The following NAALADL2 variants were observed in gnomAD, a reference collection of about 807,000 sequenced individuals.
The protein encoded by NAALADL2 is N-acetylated alpha-linked acidic dipeptidase like 2.
NAALADL2 carries 76 observed loss-of-function variants against 87.2 expected under a neutral mutation model. The ratio of observed to expected loss-of-function variants is 0.87; its 90% CI spans 0.72 to 1.05. NAALADL2 has a LOEUF of 1.05. Among genes scored for constraint, NAALADL2 ranks in the 50% least tolerant of loss-of-function variants. The pLI is 0.00. For missense variants in NAALADL2, 1,089 were observed against 945.8 expected, an observed-to-expected ratio of 1.15 and a Z score of -1.99; for synonymous variants, 354 against 331.0, an observed-to-expected ratio of 1.07 and a Z score of -0.75.
chr3:174,861,719 A>G (rs1240547548), intron 1 of NAALADL2, among the ~76,000 whole-genome samples: 1 of 152,142 alleles, frequency 6.6e-6, no homozygotes, highest in Middle Eastern at 3.4e-3. Flanking sequence ...GATTCACTGA[A>G]TGATCTCTAG....
Position 175,420,183 on chromosome 3 carries a change from G to A in NAALADL2, c.1091-27046G>A, listed in dbSNP as rs373346919. Among the ~76,000 whole-genome samples, 23 of 152,050 alleles carry A rather than the reference G, an allele frequency of 1.5e-4. No homozygotes were observed. The East Asian group carries it at 3.5e-3, about 23-fold the overall frequency. ...ATACCTTTACTTTCATGAAAAAAGA[G>A]AGAAATGTTTCTTTTCTGAAGTACT... On this transcript the variant is annotated intron_variant, in intron 5 of 13. Coordinates refer to ENST00000454872, the MANE Select transcript of NAALADL2 (RefSeq NM_207015.3).
chr3:174,539,571 A>T (rs1282768803), intron 1 of NAALADL2, among the ~76,000 whole-genome samples: 1 of 152,104 alleles, frequency 6.6e-6, no homozygotes, highest in African/African-American at 2.4e-5. Flanking sequence ...AAAATGTGCT[A>T]TCTTATGGTC....
At chr3:175,497,524 A>T (rs1728979828) in intron 9 of NAALADL2, among the ~76,000 whole-genome samples, 1 of 152,180 alleles carries the variant, frequency 6.6e-6, no homozygotes, top group South Asian at 2.1e-4. Flanking sequence ...GAGCTTTTTG[A>T]AAATTGTAAA....
chr3:174,829,235 AG>A (rs1215813201), intron 3 of NAALADL2, among the ~76,000 whole-genome samples: 1 of 151,586 alleles, frequency 6.6e-6, no homozygotes, highest in African/African-American at 2.4e-5. Context: ...ATCTAGCATT[AG>A]GTATATCTCC....
intron 1 of NAALADL2, among the ~76,000 whole-genome samples, chr3:174,996,599 C>G (rs1235566422): frequency 6.6e-6 from 1 of 152,060 alleles, no homozygotes; most frequent in Non-Finnish European, 1.5e-5. Flanking sequence ...TGTATGCCTA[C>G]CAAATACCCA....
chr3:174,564,759 T>C (rs1204115534), intron 2 of NAALADL2, among the ~76,000 whole-genome samples: 2 of 152,122 alleles, frequency 1.3e-5, no homozygotes, highest in East Asian at 3.9e-4. Flanking sequence ...TTCTAATCTC[T>C]AGTAGCAATT....
chr3:174,992,354 A>G (rs562297114), intron 1 of NAALADL2, among the ~76,000 whole-genome samples: 6 of 152,220 alleles, frequency 3.9e-5, no homozygotes, highest in African/African-American at 1.4e-4. Context: ...TCTTGAGTTT[A>G]CTAACAATGA....
chr3:175,337,546 A>G (rs980886888), intron 5 of NAALADL2, among the ~76,000 whole-genome samples: 3 of 152,138 alleles, frequency 2.0e-5, no homozygotes, highest in African/African-American at 7.2e-5. Context: ...CGAACAAAAT[A>G]TGGTTATCTA....
intron 2 of NAALADL2, among the ~76,000 whole-genome samples, chr3:175,140,854 C>G (rs1729888351): frequency 6.6e-6 from 1 of 151,986 alleles, no homozygotes; most frequent in South Asian, 2.1e-4. Flanking sequence ...TGTGGTGACA[C>G]AAGTTGAGCA....
intron 3 of NAALADL2, among the ~76,000 whole-genome samples, chr3:174,842,230 T>C (rs527700584): frequency 1.3e-5 from 2 of 152,086 alleles, no homozygotes. Flanking sequence ...TTTGTATGTT[T>C]AGTAGAGACA....
intron 1 of NAALADL2, among the ~76,000 whole-genome samples, chr3:174,933,152 C>T (rs1737174517): frequency 6.6e-6 from 1 of 152,134 alleles, no homozygotes; most frequent in Admixed American, 6.5e-5. Context: ...GACTATCTGC[C>T]TGTTGACTCT....
intron 11 of NAALADL2, among the ~76,000 whole-genome samples, chr3:175,678,755 A>G (rs2149874278): frequency 6.6e-6 from 1 of 152,242 alleles, no homozygotes; most frequent in East Asian, 1.9e-4. Context: ...GGATAGCATT[A>G]GGAGATATAT....
chr3:175,195,373 C>T lies in NAALADL2; in HGVS notation c.546-38558C>T, dbSNP rs182766910. Among the ~76,000 whole-genome samples, 80 of 151,520 alleles carry T rather than the reference C, an allele frequency of 5.3e-4. 1 individual carries two copies. Among genetic ancestry groups the T allele is most frequent in the Non-Finnish European group, 6.2e-4 (42 of 67,702 alleles). ...ATATATCATATGTTGGATGATGAAA[C>T]GTTATGAAAAAATAAGTTATGGAAA... is the stretch of plus-strand genomic sequence containing the variant. On this transcript the variant is annotated intron_variant, in intron 2 of 13. Transcript: ENST00000454872.
At chr3:175,109,421 G>A (rs1723798932) in intron 2 of NAALADL2, among the ~76,000 whole-genome samples, 1 of 151,770 alleles carries the variant, frequency 6.6e-6, no homozygotes, top group Non-Finnish European at 1.5e-5. Flanking sequence ...AATAAAATAT[G>A]CAAGATACCT....
Position 175,120,947 on chromosome 3 carries a change from C to A in NAALADL2, c.545+23656C>A, listed in dbSNP as rs956128678. The stretch of plus-strand genomic sequence containing the variant: ...CTTGATTCACACGTCTTTCATAAAG[C>A]TATATATTGATTCATTGAAAGAATT... On this transcript the variant is annotated intron_variant, in intron 2 of 13. Coordinates refer to ENST00000454872, the MANE Select transcript of NAALADL2 (RefSeq NM_207015.3). 1.6e-4 allele frequency among the ~76,000 whole-genome samples: 24 copies of A among 151,798 alleles called. 1 individual carries two copies. Among genetic ancestry groups the A allele is most frequent in the Admixed American group, 1.5e-3 (23 of 15,210 alleles).
chr3:175,456,235 T>A (rs1255868391), intron 6 of NAALADL2, among the ~76,000 whole-genome samples: 1 of 152,040 alleles, frequency 6.6e-6, no homozygotes, highest in African/African-American at 2.4e-5. Flanking sequence ...CAGCAGTTAT[T>A]TTTCTCTGCA....
chr3:174,835,065 T>A (rs1321208650), intron 3 of NAALADL2, among the ~76,000 whole-genome samples: 7 of 151,980 alleles, frequency 4.6e-5, no homozygotes, highest in African/African-American at 1.7e-4. Context: ...AGAATTAGAA[T>A]AATCAAAATA....
intron 1 of NAALADL2, among the ~76,000 whole-genome samples, chr3:174,447,350 G>C (rs1715133307): frequency 6.6e-6 from 1 of 152,176 alleles, no homozygotes; most frequent in East Asian, 1.9e-4. Context: ...TCTAACTGGG[G>C]TACTCTGAGC....
chr3:174,467,596 TAAAAAAAA>T (rs58227642), intron 1 of NAALADL2, among the ~76,000 whole-genome samples: 1 of 59,602 alleles, frequency 1.7e-5, no homozygotes, highest in Non-Finnish European at 2.9e-5. Flanking sequence ...CCATCTCAGT[TAAAAAAAA>T]AAAAAAAAAA....
Sources: gnomAD v4.1 joint callset for allele counts (sites outside exome capture counted in the v4.1 genomes callset) on GRCh38, gnomAD v4.1.1 for gene constraint, MANE v1.5 for transcripts, NCBI Gene and HGNC (gene_info 2026-07-23, HGNC 2026-07-21) for gene names.